LRRC4C: variants seen among roughly 807,000 people sequenced by gnomAD.
LRRC4C encodes the protein leucine rich repeat containing 4C, also known as leucine-rich repeat-containing protein 4C.
In LRRC4C, 5 loss-of-function variants were observed where a neutral mutation model predicts 33.6. The observed-to-expected ratio is 0.15, with a 90% CI of 0.08 to 0.31. The LOEUF (loss-of-function observed/expected upper bound fraction) is 0.31. LRRC4C is among the 10% of genes least tolerant of loss of function. The probability of loss-of-function intolerance (pLI) is 1.00; values close to 1 mark genes in which losing one functional copy is unlikely to be tolerated. For synonymous variants in LRRC4C, 329 were observed against 302.0 expected (o/e 1.09, Z -0.93); for missense variants, 560 against 796.7 (o/e 0.70, Z 3.58).
chr11:41,262,713 T>C (rs925672106), intron 1 of LRRC4C, among the ~76,000 whole-genome samples: 4 of 152,148 alleles, frequency 2.6e-5, no homozygotes, highest in Non-Finnish European at 5.9e-5. Flanking sequence ...GTTCAAAATA[T>C]ACATTGCAGG....
At chr11:40,451,749 A>G (rs1951898477) in intron 3 of LRRC4C, among the ~76,000 whole-genome samples, 1 of 152,182 alleles carries the variant, frequency 6.6e-6, no homozygotes, top group Admixed American at 6.5e-5. Context: ...CTTAGATGAA[A>G]TGGACAAATT....
chr11:41,032,853 G>A (rs959520223), intron 1 of LRRC4C, among the ~76,000 whole-genome samples: 2 of 151,892 alleles, frequency 1.3e-5, no homozygotes, highest in Non-Finnish European at 2.9e-5. Context: ...ATTTCATTTT[G>A]TTGATCCAAG....
intron 2 of LRRC4C, among the ~76,000 whole-genome samples, chr11:40,754,463 G>T (rs1454854049): frequency 6.6e-6 from 1 of 152,200 alleles, no homozygotes; most frequent in African/African-American, 2.4e-5. Flanking sequence ...CTAAGCTGGG[G>T]CTCACAGTTC....
At chr11:40,650,166 C>G (rs887271027) in intron 2 of LRRC4C, among the ~76,000 whole-genome samples, 8 of 152,012 alleles carry the variant, frequency 5.3e-5, no homozygotes, top group Admixed American at 2.0e-4. Context: ...AACACCTTAA[C>G]GAGTATTAAA....
At chr11:40,298,124 G>A (rs1165098669) in intron 4 of LRRC4C, among the ~76,000 whole-genome samples, 2 of 151,958 alleles carry the variant, frequency 1.3e-5, no homozygotes, top group Non-Finnish European at 2.9e-5. Context: ...TTTCACTGTG[G>A]TGCACAAAAT....
rs1013537457 is a variant in LRRC4C at position 40,949,591 on chromosome 11, C to T, written c.-495-15868G>A. ...ATTCTTAAAGAAAAGAATTTTCAAC[C>T]CAGAATTTCATATCCAGCCAAACTA... is the stretch of plus-strand genomic sequence containing the variant. On this transcript the variant is annotated intron_variant, in intron 1 of 6. Coordinates refer to ENST00000528697, the MANE Select transcript of LRRC4C (RefSeq NM_001258419.2). Among the ~76,000 whole-genome samples the T allele has an allele frequency of 2.4e-4, 37 of 151,928 alleles. 1 individual carries two copies. Among genetic ancestry groups the T allele is most frequent in the Admixed American group, 2.6e-4 (4 of 15,242 alleles).
chr11:40,558,064 AT>A (rs1565503001), intron 3 of LRRC4C, among the ~76,000 whole-genome samples: 1 of 152,216 alleles, frequency 6.6e-6, no homozygotes, highest in Non-Finnish European at 1.5e-5. Context: ...TGAATTACTC[AT>A]GAGAAGATCT....
chr11:40,883,018 C>T (rs1955261684), intron 2 of LRRC4C, among the ~76,000 whole-genome samples: 2 of 151,962 alleles, frequency 1.3e-5, no homozygotes, highest in Admixed American at 6.6e-5. Flanking sequence ...GTATGGGGAC[C>T]AAGTTTAAAA....
At chr11:41,151,301 G>C (rs1228400660) in intron 1 of LRRC4C, among the ~76,000 whole-genome samples, 1 of 152,160 alleles carries the variant, frequency 6.6e-6, no homozygotes, top group Non-Finnish European at 1.5e-5. Flanking sequence ...TATTAAGGTT[G>C]ATTATATAAA....
intron 1 of LRRC4C, among the ~76,000 whole-genome samples, chr11:40,976,747 T>C (rs1417408202): frequency 2.6e-5 from 4 of 152,070 alleles, no homozygotes; most frequent in African/African-American, 9.7e-5. Flanking sequence ...AAACAATGAT[T>C]GAATGACTGT....
At chr11:41,150,770 CAAAAT>C (rs1198184106) in intron 1 of LRRC4C, among the ~76,000 whole-genome samples, 1 of 137,584 alleles carries the variant, frequency 7.3e-6, no homozygotes, top group African/African-American at 2.7e-5. Context: ...GACTCCATCT[CAAAAT>C]AAATAAATAA....
chr11:40,893,063 G>A (rs145346675), intron 2 of LRRC4C, among the ~76,000 whole-genome samples: 2 of 151,894 alleles, frequency 1.3e-5, no homozygotes, highest in Admixed American at 6.6e-5. Context: ...ATGAAATCCT[G>A]TCACTTACAG....
At chr11:41,303,496 G>T (rs1950349623) in intron 1 of LRRC4C, among the ~76,000 whole-genome samples, 1 of 130,400 alleles carries the variant, frequency 7.7e-6, no homozygotes, top group Non-Finnish European at 1.6e-5. Flanking sequence ...TGCAGCCTCT[G>T]CCCGGCCGCC....
chr11:40,337,077 C>A (rs1380543599), intron 3 of LRRC4C, among the ~76,000 whole-genome samples: 2 of 149,050 alleles, frequency 1.3e-5, no homozygotes, highest in African/African-American at 5.0e-5. Flanking sequence ...ACATCCGAAG[C>A]GAGACTTGTA....
At chr11:41,235,235 C>T (rs1400409079) in intron 1 of LRRC4C, among the ~76,000 whole-genome samples, 1 of 152,012 alleles carries the variant, frequency 6.6e-6, no homozygotes, top group Non-Finnish European at 1.5e-5. Flanking sequence ...AAGAGAAATA[C>T]ATTGGCAATG....
chr11:40,363,406 G>A (rs949911542), intron 3 of LRRC4C, among the ~76,000 whole-genome samples: 44 of 152,102 alleles, frequency 2.9e-4, no homozygotes, highest in African/African-American at 1.0e-3. Flanking sequence ...GGGGCCTATT[G>A]GAGGGTGAAG....
chr11:40,751,894 G>A (rs1474472004), intron 2 of LRRC4C, among the ~76,000 whole-genome samples: 3 of 151,946 alleles, frequency 2.0e-5, no homozygotes, highest in Non-Finnish European at 4.4e-5. Context: ...GGATTTTAAT[G>A]GTAAAAATCA....
chr11:40,278,780 C>G (rs889481243), intron 4 of LRRC4C, among the ~76,000 whole-genome samples: 1 of 92,776 alleles, frequency 1.1e-5, no homozygotes, highest in Non-Finnish European at 2.1e-5. Flanking sequence ...TACCACCAGA[C>G]GTATGATAGA....
intron 3 of LRRC4C, among the ~76,000 whole-genome samples, chr11:40,593,633 A>G (rs750533706): frequency 1.3e-5 from 2 of 152,210 alleles, no homozygotes; most frequent in African/African-American, 2.4e-5. Context: ...TCTAAAGGAA[A>G]TGATTACCTG....
Sources: gnomAD v4.1 joint callset for allele counts (sites outside exome capture counted in the v4.1 genomes callset) on GRCh38, gnomAD v4.1.1 for gene constraint, MANE v1.5 for transcripts, NCBI Gene and HGNC (gene_info 2026-07-23, HGNC 2026-07-21) for gene names.